The following ALKAL1 variants were observed in gnomAD, a reference collection of about 807,000 sequenced individuals.
The protein encoded by ALKAL1 is AUG-beta.
In ALKAL1, 23 loss-of-function variants were observed where a neutral mutation model predicts 13.5. The ratio of observed to expected loss-of-function variants is 1.70; its 90% CI spans 1.23 to 2.41. The LOEUF (loss-of-function observed/expected upper bound fraction) is 2.41, where lower values mean the gene tolerates loss of function less well. ALKAL1 is among the 30% of genes most tolerant of loss of function. The pLI is 0.00. For synonymous variants in ALKAL1, 85 were observed against 77.7 expected (o/e 1.09, Z -0.49); for missense variants, 181 against 178.4 (o/e 1.01, Z -0.08).
chr8:52,555,358 G>C (rs2360282), intron 1 of ALKAL1, among the ~76,000 whole-genome samples: 25,147 of 151,880 alleles, frequency 0.17, 2,673 homozygotes, highest in East Asian at 0.33. Flanking sequence ...CCAATGCTTT[G>C]ACATCTTCGG....
At chr8:52,561,268 C>A (rs932078181) in intron 1 of ALKAL1, among the ~76,000 whole-genome samples, 7 of 152,250 alleles carry the variant, frequency 4.6e-5, no homozygotes, top group East Asian at 1.9e-4. Flanking sequence ...CAAGCCCCTG[C>A]AGTATTTAAG....
intron 1 of ALKAL1, among the ~76,000 whole-genome samples, chr8:52,545,233 T>C (rs1010786456): frequency 6.6e-6 from 1 of 152,148 alleles, no homozygotes; most frequent in Non-Finnish European, 1.5e-5. Flanking sequence ...ATAAGATAGT[T>C]ACAAAGATAA....
intron 3 of ALKAL1, among the ~76,000 whole-genome samples, chr8:52,538,861 T>C (rs536144577): frequency 2.0e-5 from 3 of 152,230 alleles, no homozygotes; most frequent in Non-Finnish European, 2.9e-5. Context: ...TTAATACAAG[T>C]TGTTTTGTTT....
intron 3 of ALKAL1, 41 bp downstream of exon 3, chr8:52,539,790 T>G: frequency 7.4e-7 from 1 of 1,353,800 alleles, no homozygotes; most frequent in Non-Finnish European, 1.0e-6. Context: ...GCATTTATTG[T>G]TGGATAATTA....
At chr8:52,548,908 ATC>A (rs1847400866) in intron 1 of ALKAL1, among the ~76,000 whole-genome samples, 1 of 152,118 alleles carries the variant, frequency 6.6e-6, no homozygotes, top group African/African-American at 2.4e-5. Context: ...TTGGCATACT[ATC>A]TCTTATTCTT....
intron 1 of ALKAL1, among the ~76,000 whole-genome samples, chr8:52,547,357 T>C (rs913229764): frequency 6.6e-6 from 1 of 151,862 alleles, no homozygotes; most frequent in African/African-American, 2.4e-5. Flanking sequence ...AAAATTAGCC[T>C]AGCGTGGTAG....
intron 1 of ALKAL1, 122 bp from the exon 2 acceptor site, chr8:52,542,567 C>A: frequency 1.5e-6 from 1 of 652,860 alleles, no homozygotes; most frequent in Non-Finnish European, 2.6e-6. Context: ...GTTTATTTAG[C>A]TGATCCCAAA....
At chr8:52,547,295 C>T (rs896463665) in intron 1 of ALKAL1, among the ~76,000 whole-genome samples, 3 of 151,536 alleles carry the variant, frequency 2.0e-5, no homozygotes, top group Non-Finnish European at 4.4e-5. Flanking sequence ...GTCAGGAGTT[C>T]GAGACCAGCC....
In ALKAL1 at chr8:52,565,266, C is replaced by A; in HGVS notation, c.-10G>T. The A allele has an allele frequency of 1.5e-6, 2 of 1,301,446 alleles. No homozygotes were observed. The highest frequency in any genetic ancestry group is 2.0e-6 in the Non-Finnish European group (2 of 1,015,676). The allele number at this position is 1,301,446 out of a possible 1,614,324, so 80.6% of individuals were successfully genotyped here. A position where few individuals can be genotyped will look rare whatever the true frequency, so the allele number is the denominator to read the frequency against. On this transcript the variant is annotated 5_prime_UTR_variant, in exon 1 of 5. Coordinates refer to ENST00000358543, the MANE Select transcript of ALKAL1 (RefSeq NM_207413.4). The stretch of plus-strand genomic sequence containing the variant: ...GCTTAAGGGGCCGCATGTTCGCAAG[C>A]CGGGAGGAGAGAGCGGGAGACTCCG...
At chr8:52,561,514 G>A (rs1232270906) in intron 1 of ALKAL1, among the ~76,000 whole-genome samples, 2 of 152,140 alleles carry the variant, frequency 1.3e-5, no homozygotes, top group African/African-American at 4.8e-5. Context: ...GGGGTACCAA[G>A]CCTGGGACTG....
At chr8:52,537,366 T>C (rs1847274486) in intron 4 of ALKAL1, among the ~76,000 whole-genome samples, 1 of 152,158 alleles carries the variant, frequency 6.6e-6, no homozygotes, top group Non-Finnish European at 1.5e-5. Context: ...TATATACTGT[T>C]GGTGGGAATG....
intron 2 of ALKAL1, among the ~76,000 whole-genome samples, chr8:52,540,765 C>T (rs1053135444): frequency 6.6e-6 from 1 of 151,948 alleles, no homozygotes; most frequent in Non-Finnish European, 1.5e-5. Context: ...ACAACAACAA[C>T]AAAATGTTCA....
chr8:52,540,387 G>A (rs556935480), intron 2 of ALKAL1, among the ~76,000 whole-genome samples: 1 of 152,222 alleles, frequency 6.6e-6, no homozygotes, highest in African/African-American at 2.4e-5. Context: ...GCAGGGCCTT[G>A]AGAAGTCCCT....
At chr8:52,536,026 C>T (rs1238692407) in intron 4 of ALKAL1, among the ~76,000 whole-genome samples, 2 of 152,156 alleles carry the variant, frequency 1.3e-5, no homozygotes, top group African/African-American at 4.8e-5. Flanking sequence ...GTAATCTCCA[C>T]CTCTTGGGTT....
chr8:52,557,377 C>A (rs1847495319), intron 1 of ALKAL1, among the ~76,000 whole-genome samples: 1 of 152,204 alleles, frequency 6.6e-6, no homozygotes. Context: ...GAGATCCACC[C>A]CTTCCCAATT....
At chr8:52,563,426 C>G (rs1210288950) in intron 1 of ALKAL1, among the ~76,000 whole-genome samples, 1 of 152,066 alleles carries the variant, frequency 6.6e-6, no homozygotes, top group Non-Finnish European at 1.5e-5. Flanking sequence ...AGCGAAACTC[C>G]GTCTCTAAAT....
intron 1 of ALKAL1, among the ~76,000 whole-genome samples, chr8:52,554,184 A>G (rs1847457883): frequency 6.6e-6 from 1 of 152,212 alleles, no homozygotes; most frequent in Non-Finnish European, 1.5e-5. Context: ...AGATCGCACC[A>G]TTGCACTCCA....
intron 1 of ALKAL1, among the ~76,000 whole-genome samples, chr8:52,545,536 A>T (rs1288472758): frequency 1.3e-5 from 2 of 149,286 alleles, no homozygotes; most frequent in Admixed American, 1.3e-4. Context: ...TTTCCCCTCA[A>T]ACCCGTTTCC....
chr8:52,542,445 T>G lies in ALKAL1; in HGVS notation c.191A>C (p.Glu64Ala). 1 of 1,513,208 alleles carries G rather than the reference T, an allele frequency of 6.6e-7. No homozygotes were observed. Among genetic ancestry groups the G allele is most frequent in the East Asian group, 2.3e-5 (1 of 44,338 alleles). The allele number at this position is 1,513,208 out of a possible 1,614,324, so 93.7% of individuals were successfully genotyped here. A position where few individuals can be genotyped will look rare whatever the true frequency, so the allele number is the denominator to read the frequency against. Residue 64 changes from glutamate to alanine, a missense_variant and splice_region_variant, in exon 2 of 5, where the codon GAA becomes GCA. By Grantham distance (107) the Glu-to-Ala change is moderately radical. Transcript: ENST00000358543. The part of the protein sequence containing the change: ...GRTPSGSRSA[E>A]IFPRDSNLKD... ...TAAGTTAGAGTCTCTTGGGAATATT[T>G]CTGAAAAGAAAAAAAAAACCATCAG...
Sources: allele counts gnomAD v4.1 joint callset (sites outside exome capture counted in the v4.1 genomes callset), GRCh38; gene constraint gnomAD v4.1.1; transcripts MANE v1.5; gene names NCBI Gene and HGNC (gene_info 2026-07-23, HGNC 2026-07-21).